SYT6: variants seen among roughly 807,000 people sequenced by gnomAD.
The protein encoded by SYT6 is synaptotagmin-6.
Under a neutral mutation model 38.4 loss-of-function variants are expected in SYT6, and 24 were observed. The ratio of observed to expected loss-of-function variants is 0.62; its 90% CI spans 0.45 to 0.88. SYT6 has a LOEUF of 0.88. SYT6 is among the 40% of genes least tolerant of loss of function. The pLI is 0.00. For synonymous variants in SYT6, 265 were observed against 241.9 expected (o/e 1.10, Z -0.89); for missense variants, 611 against 621.0 (o/e 0.98, Z 0.17).
Position 114,090,413 on chromosome 1 carries a change from C to T in SYT6, c.*1721G>A, listed in dbSNP as rs568209978. 2 of 152,442 alleles carry T rather than the reference C, an allele frequency of 1.3e-5. No homozygotes were observed. Among genetic ancestry groups the T allele is most frequent in the South Asian group, 4.1e-4 (2 of 4,820 alleles). 9.4% of individuals were successfully genotyped at this position (152,442 alleles called of 1,614,324 possible). A position where few individuals can be genotyped will look rare whatever the true frequency, so the allele number is the denominator to read the frequency against. On this transcript the variant is annotated 3_prime_UTR_variant, in exon 8 of 8. Coordinates refer to ENST00000610222, the MANE Select transcript of SYT6 (RefSeq NM_001253772.2). ...TTTTCTAAGCAGAAAATTCCTTTTGCCACAATATCCTGTTAACTCATGCCC... is the reference window on the plus strand; with the variant it reads ...TTTTCTAAGCAGAAAATTCCTTTTGTCACAATATCCTGTTAACTCATGCCC...
intron 4 of SYT6, among the ~76,000 whole-genome samples, chr1:114,099,577 C>T (rs1675843634): frequency 6.6e-6 from 1 of 152,176 alleles, no homozygotes; most frequent in Admixed American, 6.5e-5. Flanking sequence ...GTTCACAGCC[C>T]TAAATCTCAG....
At chr1:114,149,661 C>T (rs1679345848) in intron 1 of SYT6, among the ~76,000 whole-genome samples, 1 of 152,026 alleles carries the variant, frequency 6.6e-6, no homozygotes, top group South Asian at 2.1e-4. Flanking sequence ...TGGATGGTAA[C>T]TGTACCTTTC....
Position 114,152,414 on chromosome 1 carries a change from T to TC in SYT6, c.163+1195dup, listed in dbSNP as rs1368141812. On this transcript the variant is annotated intron_variant, in intron 1 of 7. Coordinates refer to ENST00000610222, the MANE Select transcript of SYT6 (RefSeq NM_001253772.2). Reference sequence around the variant, plus strand: ...AAGGAGGGATGGAGCCTGCAGAGTCTCCTGGAACCCCGGCGTCCTGGTCCT... The same window carrying TC: ...AAGGAGGGATGGAGCCTGCAGAGTCTCCCTGGAACCCCGGCGTCCTGGTCCT... 4 of 152,462 alleles carry TC rather than the reference T, an allele frequency of 2.6e-5. No individual in the cohort carries two copies. In the East Asian group the frequency reaches 5.8e-4, roughly 22 times the overall value. 9.4% of individuals were successfully genotyped at this position (152,462 alleles called of 1,614,324 possible). A position where few individuals can be genotyped will look rare whatever the true frequency, so the allele number is the denominator to read the frequency against.
At chr1:114,104,985 C>T (rs889060339) in intron 3 of SYT6, among the ~76,000 whole-genome samples, 2 of 152,030 alleles carry the variant, frequency 1.3e-5, no homozygotes, top group African/African-American at 2.4e-5. Context: ...ACCTTGCCCC[C>T]TCCCTCCCTC....
intron 3 of SYT6, among the ~76,000 whole-genome samples, chr1:114,122,369 G>A (rs1249509635): frequency 6.6e-6 from 1 of 152,136 alleles, no homozygotes; most frequent in Non-Finnish European, 1.5e-5. Context: ...CCTCTCTTGG[G>A]GACTGGAGTC....
At chr1:114,150,148 C>T (rs1679370963) in intron 1 of SYT6, among the ~76,000 whole-genome samples, 1 of 152,136 alleles carries the variant, frequency 6.6e-6, no homozygotes, top group Non-Finnish European at 1.5e-5. Flanking sequence ...ACATGTTATA[C>T]CCCTAACTCT....
intron 3 of SYT6, among the ~76,000 whole-genome samples, chr1:114,131,019 G>A (rs756434637): frequency 6.6e-6 from 1 of 152,122 alleles, no homozygotes; most frequent in African/African-American, 2.4e-5. Flanking sequence ...GTGTGTGGGC[G>A]TGAGAAGAGG....
intron 3 of SYT6, among the ~76,000 whole-genome samples, chr1:114,105,787 G>A (rs776357208): frequency 6.6e-5 from 10 of 152,162 alleles, no homozygotes; most frequent in Non-Finnish European, 1.0e-4. Flanking sequence ...CTTGCACTCC[G>A]CTTTTGAGCA....
chr1:114,115,627 G>C (rs1483354304), intron 3 of SYT6, among the ~76,000 whole-genome samples: 1 of 152,064 alleles, frequency 6.6e-6, no homozygotes, highest in East Asian at 1.9e-4. Context: ...ATGTTGGCCA[G>C]GCTGGTCTCA....
chr1:114,134,364 T>A (rs185173350), intron 3 of SYT6, among the ~76,000 whole-genome samples: 69 of 152,352 alleles, frequency 4.5e-4, no homozygotes, highest in East Asian at 3.7e-3. Flanking sequence ...AGTCTTTTCC[T>A]TGGGTACCCA....
intron 5 of SYT6, among the ~76,000 whole-genome samples, chr1:114,098,601 C>T (rs1198952885): frequency 6.6e-6 from 1 of 152,164 alleles, no homozygotes; most frequent in East Asian, 1.9e-4. Context: ...TCACAGGAGC[C>T]ATTGATGGTT....
At chr1:114,139,426 A>G (rs1469224753) in intron 2 of SYT6, among the ~76,000 whole-genome samples, 189 bp downstream of exon 2, 1 of 152,146 alleles carries the variant, frequency 6.6e-6, no homozygotes, top group Non-Finnish European at 1.5e-5. Context: ...TTTCCCTTTC[A>G]TGAAGTCTTT....
chr1:114,147,811 C>T (rs1039375766), intron 1 of SYT6, among the ~76,000 whole-genome samples: 3 of 152,246 alleles, frequency 2.0e-5, no homozygotes, highest in Non-Finnish European at 4.4e-5. Context: ...ATTAAATAAG[C>T]TAAGACTTTG....
At chr1:114,099,016 C>T in intron 5 of SYT6, 78 bp downstream of exon 5, 1 of 1,457,988 alleles carries the variant, frequency 6.9e-7, no homozygotes, top group Non-Finnish European at 9.3e-7. Context: ...ATCACAAGGT[C>T]TAAGGTCAAG....
intron 1 of SYT6, chr1:114,152,943 G>A (rs1483369026): frequency 6.6e-6 from 1 of 152,302 alleles, no homozygotes; most frequent in East Asian, 1.9e-4. Flanking sequence ...GGGACGGAGG[G>A]AGCGAGTTAT....
At chr1:114,137,300 G>T (rs1289351829) in intron 3 of SYT6, among the ~76,000 whole-genome samples, 195 bp downstream of exon 3, 2 of 152,220 alleles carry the variant, frequency 1.3e-5, no homozygotes, top group African/African-American at 2.4e-5. Context: ...GCTACATGGG[G>T]ACTCTGCTCT....
intron 5 of SYT6, 83 bp from the exon 6 acceptor site, chr1:114,097,960 C>T (rs1260192061): frequency 6.6e-7 from 1 of 1,511,266 alleles, no homozygotes; most frequent in Non-Finnish European, 9.1e-7. Context: ...TGGTAGGACT[C>T]TGCCCGATGG....
intron 1 of SYT6, among the ~76,000 whole-genome samples, chr1:114,142,555 G>T (rs145250251): frequency 1.3e-3 from 192 of 152,352 alleles, no homozygotes; most frequent in African/African-American, 4.4e-3. Flanking sequence ...TGATAAAGCA[G>T]TGGCAGGGGT....
chr1:114,093,717 T>A lies in SYT6; in HGVS notation c.*51+18A>T. The A allele has an allele frequency of 6.2e-7, 1 of 1,611,658 alleles. No individual in the cohort carries two copies. Among genetic ancestry groups the A allele is most frequent in the Non-Finnish European group, 8.5e-7 (1 of 1,178,760 alleles). ...TAATAAGCAACCTAACGTCTTTGGG[T>A]CCACACCAGGTACTTACTCCTAACT... On this transcript the variant is annotated intron_variant, in intron 7 of 7. Coordinates refer to ENST00000610222, the MANE Select transcript of SYT6 (RefSeq NM_001253772.2).
Sources: gnomAD v4.1 joint callset for allele counts (sites outside exome capture counted in the v4.1 genomes callset) on GRCh38, gnomAD v4.1.1 for gene constraint, MANE v1.5 for transcripts, NCBI Gene and HGNC (gene_info 2026-07-23, HGNC 2026-07-21) for gene names.